The following GABRR2 variants were observed in gnomAD, a reference collection of about 807,000 sequenced individuals.
GABRR2 encodes gamma-aminobutyric acid receptor subunit rho-2.
GABRR2 carries 36 observed loss-of-function variants against 47.0 expected under a neutral mutation model. That is an observed-to-expected ratio of 0.77 (90% CI 0.59 to 1.01). The LOEUF is 1.01. GABRR2 is among the 50% of genes least tolerant of loss of function. GABRR2 has a pLI of 0.00. For missense variants in GABRR2, 587 were observed against 594.6 expected, an observed-to-expected ratio of 0.99 and a Z score of 0.13; for synonymous variants, 204 against 227.5, an observed-to-expected ratio of 0.90 and a Z score of 0.93.
chr6:89,268,365 T>C (rs959756550), intron 4 of GABRR2, among the ~76,000 whole-genome samples: 11 of 152,240 alleles, frequency 7.2e-5, no homozygotes, highest in Admixed American at 1.3e-4. Context: ...GGCTCTCTCC[T>C]GTGCCTCTCT....
At chr6:89,267,140 C>T (rs1054759104) in intron 6 of GABRR2, among the ~76,000 whole-genome samples, 3 of 151,914 alleles carry the variant, frequency 2.0e-5, no homozygotes, top group Non-Finnish European at 2.9e-5. Context: ...GCTGGGATTA[C>T]AGGTGCATAC....
rs200763450 is a variant in GABRR2 at position 89,257,889 on chromosome 6, G to A, written c.1179C>T (p.Pro393=). ...ESEANSLAGY[P]RSHILTEEER... is the part of the protein sequence containing the mutation. ...CTTCTTCTGTCAGGATATGGCTTCT[G>A]GGGTACCCAGCCAGGCTGTTGGCCT... Residue 393 remains proline (P), a synonymous_variant, in exon 9 of 9, where the codon CCC becomes CCT. Transcript: ENST00000402938. 1 of 1,613,572 alleles carries A rather than the reference G, an allele frequency of 6.2e-7. No homozygotes were observed. The highest frequency in any genetic ancestry group is 1.3e-5 in the African/African-American group (1 of 74,816).
chr6:89,258,836 G>T (rs1268266289), intron 8 of GABRR2, among the ~76,000 whole-genome samples: 1 of 148,752 alleles, frequency 6.7e-6, no homozygotes, highest in Non-Finnish European at 1.5e-5. Context: ...TTTTTAGACA[G>T]TTCAACTGCA....
At chr6:89,279,735 A>G (rs1056008482) in intron 2 of GABRR2, among the ~76,000 whole-genome samples, 2 of 151,510 alleles carry the variant, frequency 1.3e-5, no homozygotes, top group African/African-American at 2.4e-5. Context: ...TTTTGTCACT[A>G]TCATTTCTTA....
intron 2 of GABRR2, among the ~76,000 whole-genome samples, 158 bp downstream of exon 2, chr6:89,299,601 C>T (rs910286859): frequency 6.6e-6 from 1 of 152,094 alleles, no homozygotes; most frequent in Non-Finnish European, 1.5e-5. Flanking sequence ...CTCTTTTCTC[C>T]TTGGGAAAAT....
At chr6:89,293,230 A>G (rs73503971) in intron 2 of GABRR2, among the ~76,000 whole-genome samples, 1,990 of 152,266 alleles carry the variant, frequency 0.013, 54 homozygotes, top group African/African-American at 0.046. Context: ...TTCCTATATG[A>G]TGTTGTTAGA....
chr6:89,281,899 C>T lies in GABRR2; in HGVS notation c.221-10177G>A, dbSNP rs1007015187. ...AGGGCCTCTGGGTCCAGACCGGAGCCTATGTTGGTCTGCTGTCCATCTCAG... is the reference window on the plus strand; with the variant it reads ...AGGGCCTCTGGGTCCAGACCGGAGCTTATGTTGGTCTGCTGTCCATCTCAG... On this transcript the variant is annotated intron_variant, in intron 2 of 8. Coordinates refer to ENST00000402938, the MANE Select transcript of GABRR2 (RefSeq NM_002043.5). Among the ~76,000 whole-genome samples the T allele has an allele frequency of 3.9e-5, 6 of 152,254 alleles. No individual in the cohort carries two copies. In the East Asian group the frequency reaches 1.2e-3, roughly 29 times the overall value.
At chr6:89,305,028 C>T (rs1419598334) in intron 1 of GABRR2, among the ~76,000 whole-genome samples, 1 of 152,226 alleles carries the variant, frequency 6.6e-6, no homozygotes, top group Non-Finnish European at 1.5e-5. Context: ...GAGATGGAAT[C>T]AACCTAAATG....
At chr6:89,298,219 G>A (rs1278082474) in intron 2 of GABRR2, among the ~76,000 whole-genome samples, 1 of 152,170 alleles carries the variant, frequency 6.6e-6, no homozygotes, top group Non-Finnish European at 1.5e-5. Flanking sequence ...CTTAGCAGGT[G>A]TCAGAGCTCA....
intron 2 of GABRR2, among the ~76,000 whole-genome samples, chr6:89,283,259 A>G (rs1000026747): frequency 2.6e-5 from 4 of 151,364 alleles, no homozygotes; most frequent in African/African-American, 9.7e-5. Context: ...GGTGTTCTTT[A>G]TCAAGAGTTT....
chr6:89,288,459 C>A lies in GABRR2; in HGVS notation c.220+11300G>T, dbSNP rs1332031314. Among the ~76,000 whole-genome samples, 3 of 152,074 alleles carry A rather than the reference C, an allele frequency of 2.0e-5. No homozygotes were observed. The East Asian group carries it at 5.8e-4, about 29-fold the overall frequency. ...ATGAAAACACCTTCGAGTGTTTTCA[C>A]AAGCATGAAAACACCCATCAGCTGC... is the stretch of plus-strand genomic sequence containing the variant. On this transcript the variant is annotated intron_variant, in intron 2 of 8. Coordinates refer to ENST00000402938, the MANE Select transcript of GABRR2 (RefSeq NM_002043.5).
chr6:89,286,795 G>T (rs1479974602), intron 2 of GABRR2, among the ~76,000 whole-genome samples: 1 of 152,158 alleles, frequency 6.6e-6, no homozygotes, highest in Non-Finnish European at 1.5e-5. Context: ...TTAATGGAAG[G>T]AGCAAGTAGG....
Position 89,271,690 on chromosome 6 carries a change from C to T in GABRR2, c.253G>A (p.Val85Met). 2 of 1,612,742 alleles carry T rather than the reference C, an allele frequency of 1.2e-6. No individual in the cohort carries two copies. Among genetic ancestry groups the T allele is most frequent in the Non-Finnish European group, 1.7e-6 (2 of 1,179,466 alleles). The part of the protein sequence containing the change: ...PAIPVGVDVQ[V>M]ESLDSISEVD... ...TCGGAGATGCTGTCCAGGCTCTCCA[C>T]CTGTACGTCCACGCCCACCGGGATG... The change falls in exon 3 of 9, where the codon GTG (valine) becomes ATG (methionine). Residue 85 changes from valine to methionine, a missense_variant. Transcript: ENST00000402938.
intron 2 of GABRR2, among the ~76,000 whole-genome samples, chr6:89,275,600 G>T (rs1469075218): frequency 2.0e-5 from 3 of 152,198 alleles, no homozygotes; most frequent in Admixed American, 6.5e-5. Context: ...AGGCATCAAA[G>T]TTAACAAAAC....
intron 2 of GABRR2, among the ~76,000 whole-genome samples, chr6:89,294,376 C>T (rs2127845441): frequency 6.6e-6 from 1 of 152,234 alleles, no homozygotes; most frequent in South Asian, 2.1e-4. Flanking sequence ...AAACTCCTAG[C>T]CTCAAGTAAT....
chr6:89,297,586 G>A (rs1309296228), intron 2 of GABRR2, among the ~76,000 whole-genome samples: 3 of 152,226 alleles, frequency 2.0e-5, no homozygotes, highest in Non-Finnish European at 4.4e-5. Context: ...TGGGCACAGT[G>A]GCACACGCCT....
intron 1 of GABRR2, chr6:89,302,911 C>T: frequency 8.6e-7 from 1 of 1,165,250 alleles, no homozygotes; most frequent in Non-Finnish European, 1.2e-6. Context: ...CATCTCAGAG[C>T]AGTTCACGGA....
chr6:89,313,551 G>A (rs1009296963), intron 1 of GABRR2, among the ~76,000 whole-genome samples: 2 of 147,548 alleles, frequency 1.4e-5, no homozygotes, highest in East Asian at 3.9e-4. Flanking sequence ...CAACCCGCAT[G>A]GGTTGTTCAG....
At chr6:89,267,306 C>T (rs933950198) in intron 6 of GABRR2, among the ~76,000 whole-genome samples, 1 of 152,172 alleles carries the variant, frequency 6.6e-6, no homozygotes, top group East Asian at 1.9e-4. Context: ...TGGCTCACGC[C>T]TGTAGTCCCA....
Sources: allele counts gnomAD v4.1 joint callset (sites outside exome capture counted in the v4.1 genomes callset), GRCh38; gene constraint gnomAD v4.1.1; transcripts MANE v1.5; gene names NCBI Gene and HGNC (gene_info 2026-07-23, HGNC 2026-07-21).